Variants in RASAL1 observed in about 807,000 individuals in gnomAD.
RASAL1 encodes rasGAP-activating-like protein 1.
A neutral mutation model predicts 96.6 loss-of-function variants in RASAL1; 72 were observed. That is an observed-to-expected ratio of 0.75 (90% CI 0.62 to 0.91). The LOEUF (loss-of-function observed/expected upper bound fraction) is 0.91. Among genes scored for constraint, RASAL1 ranks in the 40% least tolerant of loss-of-function variants. The probability of loss-of-function intolerance (pLI) is 0.00; values close to 1 mark genes in which losing one functional copy is unlikely to be tolerated. For synonymous variants in RASAL1, 405 were observed against 430.4 expected (o/e 0.94, Z 0.73); for missense variants, 1,016 against 1,072.5 (o/e 0.95, Z 0.74).
rs1263482481 is a variant in RASAL1, at chr12:113,115,926, G to A, written c.849+8C>T. ...CGCCTGATAGCATTGCTTGCCTGACGCACCCACCTCTGCTGGCCCCTGCAC... is the reference window on the plus strand; with the variant it reads ...CGCCTGATAGCATTGCTTGCCTGACACACCCACCTCTGCTGGCCCCTGCAC... On this transcript the variant is annotated splice_region_variant and intron_variant, in intron 9 of 20. Transcript: ENST00000548055. This position sits in a 1 kb window ranked among gnomAD's most constrained non-coding sequence, Gnocchi z 4.1. 13 of 1,586,044 alleles carry A rather than the reference G, an allele frequency of 8.2e-6. No individual in the cohort carries two copies. Among genetic ancestry groups the A allele is most frequent in the East Asian group, 4.5e-5 (2 of 44,564 alleles).
chr12:113,102,436 T>C (rs1338520046), intron 18 of RASAL1, among the ~76,000 whole-genome samples: 1 of 152,216 alleles, frequency 6.6e-6, no homozygotes, highest in East Asian at 1.9e-4. Context: ...CTCATGCCTG[T>C]AATCTCAGCT....
rs544328213 is a variant in RASAL1, at chr12:113,115,615, G to A, written c.1003+20C>T. Reference sequence around the variant, plus strand: ...CCACCATTGAGGGCGGTGATGTCGGGGGTTGTGCGGGCAACTCACTGGTCC... The same window carrying A: ...CCACCATTGAGGGCGGTGATGTCGGAGGTTGTGCGGGCAACTCACTGGTCC... On this transcript the variant is annotated intron_variant, in intron 10 of 20. Transcript: ENST00000548055. The surrounding 1 kb of genome is among the most constrained non-coding windows in gnomAD (Gnocchi z 4.1). 10 of 1,610,960 alleles carry A rather than the reference G, an allele frequency of 6.2e-6. No individual in the cohort carries two copies. In the South Asian group the frequency reaches 9.9e-5, roughly 16 times the overall value.
chr12:113,100,800 C>T (rs769794911), intron 19 of RASAL1, 120 bp from the exon 20 acceptor site: 3 of 738,590 alleles, frequency 4.1e-6, no homozygotes, highest in Non-Finnish European at 4.7e-6. Context: ...CTACCATCAT[C>T]ATCATCATCA....
chr12:113,100,680 C>G lies in RASAL1; in HGVS notation c.2226G>C (p.Arg742Ser), dbSNP rs781234233. ...RQLLLGRDQLRLKLLEDSNMD... is the reference protein window; with the variant it reads ...RQLLLGRDQLSLKLLEDSNMD... The stretch of plus-strand genomic sequence containing the variant: ...TGTTAGAATCCTCCAGTAATTTCAG[C>G]CTGGAAGGTAAGAGGGAGAAAGACA... Residue 742 changes from arginine (R) to serine (S), a missense_variant and splice_region_variant, in exon 20 of 21, where the codon AGG (arginine) becomes AGC (serine). Coordinates refer to ENST00000548055, the MANE Select transcript of RASAL1 (RefSeq NM_001301202.2). The G allele has an allele frequency of 6.2e-7, 1 of 1,608,520 alleles. No homozygotes were observed. The highest frequency in any genetic ancestry group is 8.5e-7 in the Non-Finnish European group (1 of 1,175,760).
rs1257443015 is a variant in RASAL1 at position 113,115,536 on chromosome 12, T to C, written c.1003+99A>G. The C allele has an allele frequency of 3.7e-5, 54 of 1,450,054 alleles. No homozygotes were observed. The highest frequency in any genetic ancestry group is 4.6e-5 in the Non-Finnish European group (50 of 1,078,364). The allele number at this position is 1,450,054 out of a possible 1,614,324, so 89.8% of individuals were successfully genotyped here. A position where few individuals can be genotyped will look rare whatever the true frequency, so the allele number is the denominator to read the frequency against. The stretch of plus-strand genomic sequence containing the variant: ...CAGGGACCCACAGAAAAAGGAGCCC[T>C]TTTTCCCTCTGCCTGAGGCCTCCCC... On this transcript the variant is annotated intron_variant, in intron 10 of 20. Transcript: ENST00000548055. The surrounding 1 kb of genome is among the most constrained non-coding windows in gnomAD (Gnocchi z 4.1).
intron 19 of RASAL1, among the ~76,000 whole-genome samples, chr12:113,101,252 C>T (rs923807534): frequency 6.6e-6 from 1 of 152,106 alleles, no homozygotes. Context: ...CCCGTCTCTA[C>T]TAAAAATACA....
At chr12:113,111,891 C>G (rs553870701) in intron 13 of RASAL1, among the ~76,000 whole-genome samples, 195 bp downstream of exon 13, 4 of 152,160 alleles carry the variant, frequency 2.6e-5, no homozygotes, top group African/African-American at 9.7e-5. Flanking sequence ...TGAGCCACTG[C>G]GCCCGGCCTA....
intron 15 of RASAL1, 66 bp downstream of exon 15, chr12:113,107,031 G>C: frequency 1.3e-6 from 2 of 1,497,048 alleles, no homozygotes; most frequent in Non-Finnish European, 1.8e-6. Context: ...GGGGGAAAGG[G>C]GAAGTCCCTG....
chr12:113,116,215 C>T (rs1027500959), intron 8 of RASAL1, among the ~76,000 whole-genome samples, 164 bp from the exon 9 acceptor site: 10 of 152,044 alleles, frequency 6.6e-5, no homozygotes, highest in Non-Finnish European at 1.2e-4. Context: ...ACTAAAAATA[C>T]AAAAATTAGC....
chr12:113,127,823 G>A lies in RASAL1; in HGVS notation c.287C>T (p.Ala96Val). The A allele has an allele frequency of 6.2e-7, 1 of 1,612,148 alleles. No individual in the cohort carries two copies. Among genetic ancestry groups the A allele is most frequent in the Non-Finnish European group, 8.5e-7 (1 of 1,178,496 alleles). Residue 96 changes from alanine (A) to valine (V), a missense_variant, in exon 4 of 21, where the codon GCC becomes GTC. By Grantham distance (64) the Ala-to-Val change is moderately conservative (BLOSUM62 0). Transcript: ENST00000548055. ...TGTCCCTCGCCCACCTCGGGGGTCG[G>A]CTGTAATCGCCTCCCTGCTCAGCGA... Reference protein sequence around the residue: ...KISLSREAITADPRGIDSWIN... With the variant: ...KISLSREAITVDPRGIDSWIN...
intron 4 of RASAL1, among the ~76,000 whole-genome samples, chr12:113,127,507 G>T (rs1951528784): frequency 6.6e-6 from 1 of 152,038 alleles, no homozygotes; most frequent in Non-Finnish European, 1.5e-5. Context: ...AAAATTAGCT[G>T]GGTGTGGTGG....
chr12:113,128,802 G>A (rs1277091572), intron 2 of RASAL1, among the ~76,000 whole-genome samples: 3 of 152,044 alleles, frequency 2.0e-5, no homozygotes, highest in Non-Finnish European at 4.4e-5. Context: ...CCAGACACAT[G>A]CAGATAGACA....
At chr12:113,112,037 C>T in intron 13 of RASAL1, 49 bp downstream of exon 13, 4 of 1,227,938 alleles carry the variant, frequency 3.3e-6, no homozygotes, top group Non-Finnish European at 4.1e-6. Context: ...CGAGTGACCC[C>T]GGACAAGCTC....
chr12:113,114,555 A>C (rs1950995476), intron 12 of RASAL1, among the ~76,000 whole-genome samples: 1 of 152,142 alleles, frequency 6.6e-6, no homozygotes, highest in African/African-American at 2.4e-5. Context: ...AACTTTGTCC[A>C]CCAGTAGTGG....
At chr12:113,132,685 A>G (rs780976892) in intron 1 of RASAL1, among the ~76,000 whole-genome samples, 4 of 152,054 alleles carry the variant, frequency 2.6e-5, no homozygotes, top group African/African-American at 9.7e-5. Flanking sequence ...ACCTGAACCT[A>G]TCTTGCTGGA....
intron 1 of RASAL1, among the ~76,000 whole-genome samples, chr12:113,132,747 C>T (rs1199761287): frequency 6.6e-6 from 1 of 152,166 alleles, no homozygotes. Context: ...TCCCTCATCC[C>T]CCTCTGGCTG....
intron 4 of RASAL1, 75 bp from the exon 5 acceptor site, chr12:113,121,713 T>A: frequency 6.6e-7 from 1 of 1,509,084 alleles, no homozygotes; most frequent in East Asian, 2.3e-5. Context: ...AAAATTCAAT[T>A]AACATTATTT....
chr12:113,109,402 C>T (rs1049754968), intron 13 of RASAL1, among the ~76,000 whole-genome samples: 1 of 152,162 alleles, frequency 6.6e-6, no homozygotes, highest in African/African-American at 2.4e-5. Flanking sequence ...ATCCTGTGTG[C>T]ACCTCCCCAC....
At chr12:113,124,110 C>T (rs1467705354) in intron 4 of RASAL1, among the ~76,000 whole-genome samples, 1 of 151,764 alleles carries the variant, frequency 6.6e-6, no homozygotes, top group African/African-American at 2.4e-5. Context: ...CCCAGCTACT[C>T]CAGAGGCTGA....
Sources: gnomAD v4.1 joint callset for allele counts (sites outside exome capture counted in the v4.1 genomes callset) on GRCh38, gnomAD v4.1.1 for gene constraint, Gnocchi (gnomAD v3.1) non-coding constraint, MANE v1.5 for transcripts, NCBI Gene and HGNC (gene_info 2026-07-23, HGNC 2026-07-21) for gene names.